CDH10: variants seen among roughly 807,000 people sequenced by gnomAD.
CDH10 encodes the protein cadherin 10.
Under a neutral mutation model 73.1 loss-of-function variants are expected in CDH10, and 30 were observed. That is an observed-to-expected ratio of 0.41 (90% CI 0.31 to 0.56). The LOEUF (loss-of-function observed/expected upper bound fraction) is 0.56. CDH10 is among the 20% of genes least tolerant of loss of function. CDH10 has a pLI of 0.27. For synonymous variants in CDH10, 345 were observed against 348.2 expected (o/e 0.99, Z 0.10); for missense variants, 815 against 973.7 (o/e 0.84, Z 2.17).
intron 6 of CDH10, 74 bp from the exon 7 acceptor site, chr5:24,509,893 A>G (rs1742836827): frequency 6.6e-6 from 8 of 1,204,536 alleles, no homozygotes; most frequent in African/African-American, 1.5e-5. Flanking sequence ...TTACAGTATG[A>G]TTTTTAAGTT....
rs1028872946 is a variant in CDH10 at position 24,497,466 on chromosome 5, T to TA, written c.1515+931dup. 9.9e-5 allele frequency among the ~76,000 whole-genome samples: 15 copies of TA among 151,842 alleles called. No individual in the cohort carries two copies. In the East Asian group the frequency reaches 1.2e-3, roughly 12 times the overall value. On this transcript the variant is annotated intron_variant, in intron 9 of 11. Transcript: ENST00000264463. ...AAACATTTCCATAACATTTTCAAGTTAAAAAAAATGAATCAAATTGCAGCA... is the reference window on the plus strand; with the variant it reads ...AAACATTTCCATAACATTTTCAAGTTAAAAAAAAATGAATCAAATTGCAGCA...
At chr5:24,616,660 A>ACTTATTCTCCAGAATAAAC (rs1190288990) in intron 1 of CDH10, among the ~76,000 whole-genome samples, 1 of 152,144 alleles carries the variant, frequency 6.6e-6, no homozygotes, top group Non-Finnish European at 1.5e-5. Flanking sequence ...GCAAAATAAA[A>ACTTATTCTCCAGAATAAAC]CTTATTCTCC....
At chr5:24,541,574 A>C (rs1047396363) in intron 2 of CDH10, among the ~76,000 whole-genome samples, 5 of 152,046 alleles carry the variant, frequency 3.3e-5, no homozygotes, top group African/African-American at 1.2e-4. Context: ...ACGCCAAAAA[A>C]CTTAAAGCAT....
chr5:24,595,770 T>C (rs889062937), intron 1 of CDH10, among the ~76,000 whole-genome samples: 1 of 151,916 alleles, frequency 6.6e-6, no homozygotes, highest in African/African-American at 2.4e-5. Flanking sequence ...TTTTTAAAAA[T>C]TGTCAGCAAT....
At chr5:24,525,075 TAGGTGA>T (rs1341671761) in intron 5 of CDH10, among the ~76,000 whole-genome samples, 3 of 152,024 alleles carry the variant, frequency 2.0e-5, no homozygotes, top group Non-Finnish European at 4.4e-5. Context: ...AAAGATATAA[TAGGTGA>T]TTTAAGAGAT....
Position 24,491,652 on chromosome 5 carries a change from A to T in CDH10, c.1800T>A (p.Ala600=), listed in dbSNP as rs1742059369. The T allele has an allele frequency of 6.2e-7, 1 of 1,613,822 alleles. No individual in the cohort carries two copies. Among genetic ancestry groups the T allele is most frequent in the East Asian group, 2.2e-5 (1 of 44,842 alleles). ...DSQGNMQSCS[A]EALLLPAGLS... ...GGCCGGCAGGGAGGAGCAGGGCTTC[A>T]GCACTGCAGGATTGCATGTTGCCTT... is the stretch of plus-strand genomic sequence containing the variant. The change falls in exon 11 of 12, where the codon GCT becomes GCA. Residue 600 remains alanine, a synonymous_variant. Transcript: ENST00000264463.
chr5:24,569,263 G>C (rs926750784), intron 2 of CDH10, among the ~76,000 whole-genome samples: 1 of 152,046 alleles, frequency 6.6e-6, no homozygotes, highest in Non-Finnish European at 1.5e-5. Context: ...ATAAAGGGGA[G>C]TTATCGTTTA....
intron 5 of CDH10, among the ~76,000 whole-genome samples, chr5:24,521,960 C>G (rs938673032): frequency 2.6e-5 from 4 of 151,922 alleles, no homozygotes; most frequent in Non-Finnish European, 4.4e-5. Flanking sequence ...ATGGTGAAAC[C>G]CTGTCTCTAC....
Position 24,633,067 on chromosome 5 carries a change from C to T in CDH10, c.-124+11527G>A, listed in dbSNP as rs1019901816. Among the ~76,000 whole-genome samples the T allele has an allele frequency of 7.9e-5, 12 of 151,442 alleles. 1 individual carries two copies. Among genetic ancestry groups the T allele is most frequent in the African/African-American group, 2.9e-4 (12 of 41,354 alleles). ...TATTCCTATGAGCTATATACAAAGA[C>T]AATTTATTTTGATCAAATTTATTCA... On this transcript the variant is annotated intron_variant, in intron 1 of 11. Coordinates refer to ENST00000264463, the MANE Select transcript of CDH10 (RefSeq NM_006727.5).
intron 1 of CDH10, among the ~76,000 whole-genome samples, chr5:24,613,732 G>A (rs1369974131): frequency 5.3e-5 from 8 of 152,054 alleles, no homozygotes; most frequent in Non-Finnish European, 5.9e-5. Flanking sequence ...AGTTTCTCAT[G>A]AACATATATT....
At chr5:24,548,094 T>C (rs1375178980) in intron 2 of CDH10, among the ~76,000 whole-genome samples, 2 of 152,106 alleles carry the variant, frequency 1.3e-5, no homozygotes, top group African/African-American at 4.8e-5. Flanking sequence ...ATCCACAGAC[T>C]AGGCCACCAC....
chr5:24,594,860 A>C (rs1194163632), intron 1 of CDH10, among the ~76,000 whole-genome samples: 1 of 151,632 alleles, frequency 6.6e-6, no homozygotes, highest in African/African-American at 2.4e-5. Context: ...AGATAATTTT[A>C]CTCTTTTCTT....
chr5:24,605,119 C>T (rs1054586803), intron 1 of CDH10, among the ~76,000 whole-genome samples: 1 of 152,110 alleles, frequency 6.6e-6, no homozygotes, highest in Non-Finnish European at 1.5e-5. Flanking sequence ...CAACATCATT[C>T]ATCCGTATGG....
chr5:24,566,554 GTA>G (rs1466225567), intron 2 of CDH10, among the ~76,000 whole-genome samples: 4 of 152,084 alleles, frequency 2.6e-5, no homozygotes, highest in Non-Finnish European at 5.9e-5. Context: ...AGACCCCAAA[GTA>G]TATAGTCAGT....
chr5:24,545,534 G>A (rs1284345633), intron 2 of CDH10, among the ~76,000 whole-genome samples: 2 of 152,074 alleles, frequency 1.3e-5, no homozygotes, highest in East Asian at 3.9e-4. Flanking sequence ...GAGCCTTTCA[G>A]GCCTGGCATG....
chr5:24,629,464 GA>G (rs1393594851), intron 1 of CDH10, among the ~76,000 whole-genome samples: 3 of 151,756 alleles, frequency 2.0e-5, no homozygotes, highest in Admixed American at 6.6e-5. Context: ...ATCAGGTGAA[GA>G]AAAAAAACTG....
At chr5:24,630,813 A>C (rs1747679370) in intron 1 of CDH10, among the ~76,000 whole-genome samples, 1 of 152,080 alleles carries the variant, frequency 6.6e-6, no homozygotes, top group Non-Finnish European at 1.5e-5. Context: ...AAAAAAATTG[A>C]CTATTACCTA....
intron 2 of CDH10, among the ~76,000 whole-genome samples, chr5:24,541,766 T>C (rs1320039463): frequency 6.6e-6 from 1 of 152,114 alleles, no homozygotes; most frequent in Non-Finnish European, 1.5e-5. Context: ...ATGTTAATAC[T>C]GACCTTTTCT....
intron 2 of CDH10, among the ~76,000 whole-genome samples, chr5:24,567,510 CA>C (rs1003711845): frequency 2.0e-5 from 3 of 151,476 alleles, no homozygotes; most frequent in African/African-American, 7.3e-5. Context: ...ACAAGATCCT[CA>C]AAAAATACGC....
Sources: gnomAD v4.1 joint callset for allele counts (sites outside exome capture counted in the v4.1 genomes callset) on GRCh38, gnomAD v4.1.1 for gene constraint, MANE v1.5 for transcripts, NCBI Gene and HGNC (gene_info 2026-07-23, HGNC 2026-07-21) for gene names.